Variants in PLA2G4C observed in about 807,000 individuals in gnomAD.
PLA2G4C encodes cytosolic phospholipase A2 gamma.
Under a neutral mutation model 73.8 loss-of-function variants are expected in PLA2G4C, and 64 were observed. That is an observed-to-expected ratio of 0.87 (90% CI 0.71 to 1.07). The LOEUF (loss-of-function observed/expected upper bound fraction) is 1.07. PLA2G4C is among the 50% of genes least tolerant of loss of function. The probability of loss-of-function intolerance (pLI) is 0.00; values close to 1 mark genes in which losing one functional copy is unlikely to be tolerated. For missense variants in PLA2G4C, 622 were observed against 665.4 expected, an observed-to-expected ratio of 0.93 and a Z score of 0.72; for synonymous variants, 254 against 252.1, an observed-to-expected ratio of 1.01 and a Z score of -0.07.
At chr19:48,106,243 T>C (rs1039363848) in intron 2 of PLA2G4C, among the ~76,000 whole-genome samples, 5 of 151,258 alleles carry the variant, frequency 3.3e-5, no homozygotes, top group African/African-American at 1.2e-4. Flanking sequence ...CCACTATGCT[T>C]GGCTAATTTT....
Position 48,088,711 on chromosome 19 carries a change from G to A in PLA2G4C, c.765C>T (p.Asp255=), listed in dbSNP as rs1048893710. The change falls in exon 9 of 17, where the codon GAC becomes GAT. Residue 255 remains aspartate (D), a splice_region_variant and synonymous_variant. Transcript: ENST00000599921. ...CTTTCAGGGTCAGATTCCTTAACTG[G>A]TCTGCAAAAGAGTAGAAGCAGGAGG... The part of the protein sequence containing the change: ...NTEVIREYIF[D]QLRNLTLKGL... 32 of 1,603,310 alleles carry A rather than the reference G, an allele frequency of 2.0e-5. No homozygotes were observed. The highest frequency in any genetic ancestry group is 2.6e-5 in the Non-Finnish European group (31 of 1,170,202).
At chr19:48,110,425 C>G in intron 1 of PLA2G4C, 62 bp downstream of exon 1, 1 of 1,192,276 alleles carries the variant, frequency 8.4e-7, no homozygotes, top group African/African-American at 1.7e-5. Context: ...CACCCAATCC[C>G]TGGTACTTGG....
Position 48,104,729 on chromosome 19 carries a change from G to C in PLA2G4C, c.121-5C>G. The C allele has an allele frequency of 6.2e-7, 1 of 1,613,736 alleles. No homozygotes were observed. Among genetic ancestry groups the C allele is most frequent in the South Asian group, 1.1e-5 (1 of 91,044 alleles). On this transcript the variant is annotated splice_region_variant and splice_polypyrimidine_tract_variant and intron_variant, in intron 3 of 16. Coordinates refer to ENST00000599921, the MANE Select transcript of PLA2G4C (RefSeq NM_003706.3). ...CAGCACAGCAACAACTGGGGCCTAGGCATTGGGGAGAAAATCGATCAGAGG... is the reference window on the plus strand; with the variant it reads ...CAGCACAGCAACAACTGGGGCCTAGCCATTGGGGAGAAAATCGATCAGAGG...
chr19:48,067,801 C>T lies in PLA2G4C; in HGVS notation c.1092G>A (p.Leu364=). The change falls in exon 13 of 17, where the codon CTG becomes CTA. Residue 364 remains leucine, a synonymous_variant. Coordinates refer to ENST00000599921, the MANE Select transcript of PLA2G4C (RefSeq NM_003706.3). ...AGAGGGTCTTCTCACCGTGTTTGTA[C>T]AGGAAGTTGTGAGTGGTCCCCCATT... ...KWEWGTTHNF[L]YKHGGIRDKI... 1 of 1,607,382 alleles carries T rather than the reference C, an allele frequency of 6.2e-7. No homozygotes were observed. Among genetic ancestry groups the T allele is most frequent in the Non-Finnish European group, 8.5e-7 (1 of 1,173,936 alleles).
rs543055892 is a variant in PLA2G4C at position 48,063,498 on chromosome 19, C to T, written c.1103-1346G>A. Among the ~76,000 whole-genome samples the T allele has an allele frequency of 2.6e-5, 4 of 151,932 alleles. No homozygotes were observed. The South Asian group carries it at 6.3e-4, about 24-fold the overall frequency. On this transcript the variant is annotated intron_variant, in intron 13 of 16. Transcript: ENST00000599921. Reference sequence around the variant, plus strand: ...CCTTTAACTTGGTGATTTTGGGGTCCCGAGATTTATTTTCCTTTCACAGCG... The same window carrying T: ...CCTTTAACTTGGTGATTTTGGGGTCTCGAGATTTATTTTCCTTTCACAGCG...
chr19:48,063,720 C>A (rs1317068685), intron 13 of PLA2G4C: 1 of 151,196 alleles, frequency 6.6e-6, no homozygotes, highest in Non-Finnish European at 1.5e-5. Context: ...GTCAGACATG[C>A]CTCACGATGC....
intron 16 of PLA2G4C, among the ~76,000 whole-genome samples, chr19:48,050,216 G>A (rs948588936): frequency 4.6e-5 from 7 of 152,132 alleles, no homozygotes; most frequent in East Asian, 3.9e-4. Flanking sequence ...CACCATGCCC[G>A]GCCTCTGTGG....
In PLA2G4C at chr19:48,088,785, G is replaced by A. The variant is rs1436546871; in HGVS notation, c.764-73C>T. ...CCCTAGTTATAATATAAAAAATACAGATGACCTGCAGGGATATTTCATTAA... is the reference window on the plus strand; with the variant it reads ...CCCTAGTTATAATATAAAAAATACAAATGACCTGCAGGGATATTTCATTAA... On this transcript the variant is annotated intron_variant, in intron 8 of 16. Coordinates refer to ENST00000599921, the MANE Select transcript of PLA2G4C (RefSeq NM_003706.3). 3 of 1,108,570 alleles carry A rather than the reference G, an allele frequency of 2.7e-6. No individual in the cohort carries two copies. The South Asian group carries it at 3.8e-5, about 14-fold the overall frequency. 68.7% of individuals were successfully genotyped at this position (1,108,570 alleles called of 1,614,324 possible).
intron 10 of PLA2G4C, among the ~76,000 whole-genome samples, chr19:48,078,964 G>A (rs929516336): frequency 1.3e-5 from 2 of 149,974 alleles, no homozygotes; most frequent in Non-Finnish European, 2.9e-5. Context: ...TGCTTCCCAA[G>A]TTCAAGCGAT....
Position 48,098,198 on chromosome 19 carries a change from G to A in PLA2G4C, c.509C>T (p.Pro170Leu), listed in dbSNP as rs760575305. ...GTCATTGTCAATGGCTGCAAATATT[G>A]GGTAGGGTAGTGTCCCTTCTTCCAC... ...KPVEEGTLPY[P>L]IFAAIDNDLQ... Residue 170 changes from proline (P) to leucine (L), a missense_variant, in exon 6 of 17, where the codon CCA (proline) becomes CTA (leucine). Coordinates refer to ENST00000599921, the MANE Select transcript of PLA2G4C (RefSeq NM_003706.3). 7.4e-6 allele frequency: 12 copies of A among 1,613,546 alleles called. No homozygotes were observed. The highest frequency in any genetic ancestry group is 2.2e-5 in the East Asian group (1 of 44,854).
rs570567867 is a variant in PLA2G4C, at chr19:48,105,996, C to T, written c.8+526G>A. Among the ~76,000 whole-genome samples the T allele has an allele frequency of 1.7e-3, 143 of 85,958 alleles. 8 individuals carry two copies. The highest frequency in any genetic ancestry group is 6.6e-3 in the African/African-American group (131 of 19,856). 56.4% of individuals were successfully genotyped at this position (85,958 alleles called of 152,430 possible). ...TTTCTTTCTTTCTTTCTTTCTTTCT[C>T]TTTCTCTCTCTCTTTTTTGAGACAG... On this transcript the variant is annotated intron_variant, in intron 2 of 16. Transcript: ENST00000599921.
At position 48,098,208 on chromosome 19, in the gene PLA2G4C, G is replaced by C. The variant is rs1469258178; in HGVS notation, c.499C>G (p.Leu167Val). Reference protein sequence around the residue: ...NMKKPVEEGTLPYPIFAAIDN... With the variant: ...NMKKPVEEGTVPYPIFAAIDN... Reference sequence around the variant, plus strand: ...ATGGCTGCAAATATTGGGTAGGGTAGTGTCCCTTCTTCCACGGGCTTCTTC... The same window carrying C: ...ATGGCTGCAAATATTGGGTAGGGTACTGTCCCTTCTTCCACGGGCTTCTTC... The change falls in exon 6 of 17, where the codon CTA becomes GTA. Residue 167 changes from leucine to valine, a missense_variant. Coordinates refer to ENST00000599921, the MANE Select transcript of PLA2G4C (RefSeq NM_003706.3). 6.2e-7 allele frequency: 1 copy of C among 1,613,764 alleles called. No individual in the cohort carries two copies.
At chr19:48,098,346 A>G in intron 5 of PLA2G4C, 87 bp from the exon 6 acceptor site, 2 of 1,221,886 alleles carry the variant, frequency 1.6e-6, no homozygotes, top group Non-Finnish European at 2.2e-6. Context: ...ATTTTTTTTT[A>G]GAGGGGTCTC....
At chr19:48,069,345 A>G (rs1968571567) in intron 12 of PLA2G4C, among the ~76,000 whole-genome samples, 1 of 152,188 alleles carries the variant, frequency 6.6e-6, no homozygotes, top group Non-Finnish European at 1.5e-5. Flanking sequence ...AGAACGACGC[A>G]GAATGTTCCA....
At chr19:48,106,772 G>A (rs557949177) in intron 1 of PLA2G4C, 21 of 561,554 alleles carry the variant, frequency 3.7e-5, no homozygotes, top group Middle Eastern at 4.7e-4. Context: ...TATTTCAAGC[G>A]CGTCTCTCTG....
At chr19:48,081,778 C>CA (rs2030586185) in intron 10 of PLA2G4C, among the ~76,000 whole-genome samples, 2 of 135,094 alleles carry the variant, frequency 1.5e-5, no homozygotes, top group South Asian at 2.5e-4. Flanking sequence ...AGAACAAAAA[C>CA]AAAAAAACAC....
chr19:48,071,959 A>C (rs62129319), intron 12 of PLA2G4C, among the ~76,000 whole-genome samples: 26,208 of 151,388 alleles, frequency 0.17, 2,745 homozygotes, highest in Non-Finnish European at 0.24. Context: ...CAGCCTGGCC[A>C]ATATGATGAA....
rs2029887629 is a variant in PLA2G4C, at chr19:48,072,718, T to C, written c.1006+2049A>G. ...ATAGACTGATTTCATCCAACAGAGATAAAAACAGGAATTTATGTAACATGA... is the reference window on the plus strand; with the variant it reads ...ATAGACTGATTTCATCCAACAGAGACAAAAACAGGAATTTATGTAACATGA... On this transcript the variant is annotated intron_variant, in intron 12 of 16. Coordinates refer to ENST00000599921, the MANE Select transcript of PLA2G4C (RefSeq NM_003706.3). This position sits in a 1 kb window ranked among gnomAD's most constrained non-coding sequence, Gnocchi z 4.4. 1 of 152,118 alleles carries C rather than the reference T, an allele frequency of 6.6e-6. No homozygotes were observed. Among genetic ancestry groups the C allele is most frequent in the Non-Finnish European group, 1.5e-5 (1 of 68,022 alleles). The allele number at this position is 152,118 out of a possible 1,614,324, so 9.4% of individuals were successfully genotyped here. A position where few individuals can be genotyped will look rare whatever the true frequency, so the allele number is the denominator to read the frequency against.
intron 13 of PLA2G4C, among the ~76,000 whole-genome samples, chr19:48,063,296 C>A (rs1968267466): frequency 6.6e-6 from 1 of 152,088 alleles, no homozygotes; most frequent in African/African-American, 2.4e-5. Context: ...CCCGCTTCTG[C>A]CTCCCAAAGT....
Sources: allele counts gnomAD v4.1 joint callset (sites outside exome capture counted in the v4.1 genomes callset), GRCh38; gene constraint gnomAD v4.1.1; non-coding constraint Gnocchi (gnomAD v3.1); transcripts MANE v1.5; gene names NCBI Gene and HGNC (gene_info 2026-07-23, HGNC 2026-07-21).